The following CHST9 variants were observed in gnomAD, a reference collection of about 807,000 sequenced individuals.
CHST9 encodes the protein GalNAc-4-sulfotransferase 2.
In CHST9, 41 loss-of-function variants were observed where a neutral mutation model predicts 44.4. The ratio of observed to expected loss-of-function variants is 0.92; its 90% CI spans 0.72 to 1.20. The LOEUF (loss-of-function observed/expected upper bound fraction) is 1.20, where lower values mean the gene tolerates loss of function less well. Ranked by LOEUF, CHST9 falls within the 50% of genes most tolerant of loss-of-function variation. CHST9 has a pLI of 0.00. For synonymous variants in CHST9, 171 were observed against 178.4 expected, an observed-to-expected ratio of 0.96 and a Z score of 0.33; for missense variants, 504 against 516.5, an observed-to-expected ratio of 0.98 and a Z score of 0.23.
chr18:27,012,042 T>C (rs557035882), intron 4 of CHST9, among the ~76,000 whole-genome samples: 100 of 152,348 alleles, frequency 6.6e-4, no homozygotes, highest in Middle Eastern at 3.4e-3. Flanking sequence ...CCTTTCTACA[T>C]GATACTGGGG....
intron 3 of CHST9, among the ~76,000 whole-genome samples, chr18:27,036,551 T>C (rs2057392231): frequency 6.6e-6 from 1 of 152,202 alleles, no homozygotes; most frequent in Non-Finnish European, 1.5e-5. Context: ...TGCTGAAAAG[T>C]TGAAAAGCTT....
chr18:26,916,300 A>G lies in CHST9; in HGVS notation c.1291T>C (p.Leu431=), dbSNP rs749162270. 2.3e-5 allele frequency: 37 copies of G among 1,599,394 alleles called. No homozygotes were observed. The highest frequency in any genetic ancestry group is 3.0e-5 in the Non-Finnish European group (35 of 1,168,244). The change falls in exon 6 of 6, where the codon TTG becomes CTG. Residue 431 remains leucine (L), a synonymous_variant. Coordinates refer to ENST00000618847, the MANE Select transcript of CHST9 (RefSeq NM_031422.6). Reference sequence around the variant, plus strand: ...GTATAATTAAACATTAAATAGTCCAAGTAATAAAAGTCATAGATTAATTGT... The same window carrying G: ...GTATAATTAAACATTAAATAGTCCAGGTAATAAAAGTCATAGATTAATTGT... ...ERQLIYDFYY[L]DYLMFNYTTP...
chr18:27,130,312 AT>A (rs1183212400), intron 2 of CHST9, among the ~76,000 whole-genome samples: 1 of 152,200 alleles, frequency 6.6e-6, no homozygotes, highest in East Asian at 1.9e-4. Context: ...CCTAGTAATT[AT>A]TTTAATCGAT....
intron 4 of CHST9, among the ~76,000 whole-genome samples, chr18:26,964,840 G>A (rs1480407871): frequency 6.6e-6 from 1 of 152,214 alleles, no homozygotes; most frequent in African/African-American, 2.4e-5. Flanking sequence ...TCAGAGTACA[G>A]CAGAAGAAGA....
At chr18:27,023,190 A>G (rs1361311325) in intron 4 of CHST9, among the ~76,000 whole-genome samples, 2 of 152,194 alleles carry the variant, frequency 1.3e-5, no homozygotes, top group Admixed American at 6.5e-5. Context: ...ATGGAATAAT[A>G]TATCATTTTT....
intron 4 of CHST9, among the ~76,000 whole-genome samples, chr18:26,982,374 G>GC (rs570573246): frequency 5.4e-4 from 79 of 145,510 alleles, no homozygotes; most frequent in African/African-American, 2.0e-3. Context: ...CTTTGCAAGT[G>GC]CCCCTAAGAA....
chr18:27,017,988 T>C (rs190553665), intron 4 of CHST9, among the ~76,000 whole-genome samples: 10 of 152,310 alleles, frequency 6.6e-5, no homozygotes, highest in East Asian at 1.9e-4. Context: ...CCTCAATTTA[T>C]TGTGAAGTTC....
At chr18:26,985,511 A>C (rs1178687719) in intron 4 of CHST9, among the ~76,000 whole-genome samples, 2 of 152,230 alleles carry the variant, frequency 1.3e-5, no homozygotes, top group Admixed American at 1.3e-4. Context: ...CCCAGGTTGT[A>C]ACACAAGGAG....
intron 2 of CHST9, among the ~76,000 whole-genome samples, chr18:27,090,759 T>C (rs1216498826): frequency 3.9e-5 from 6 of 152,186 alleles, no homozygotes; most frequent in Non-Finnish European, 5.9e-5. Context: ...TGGTTGTAGA[T>C]GTGTGGTGTT....
At chr18:27,121,513 G>C (rs1219022202) in intron 2 of CHST9, among the ~76,000 whole-genome samples, 1 of 152,162 alleles carries the variant, frequency 6.6e-6, no homozygotes, top group Non-Finnish European at 1.5e-5. Flanking sequence ...CTGGTACATA[G>C]GTTAGCAGAA....
chr18:27,118,004 A>G (rs1466109431), intron 2 of CHST9, among the ~76,000 whole-genome samples: 1 of 152,176 alleles, frequency 6.6e-6, no homozygotes, highest in Non-Finnish European at 1.5e-5. Context: ...TTGTATTCCC[A>G]CCAATAACGA....
At chr18:27,015,126 CA>C (rs1360760555) in intron 4 of CHST9, among the ~76,000 whole-genome samples, 1 of 152,024 alleles carries the variant, frequency 6.6e-6, no homozygotes, top group East Asian at 1.9e-4. Flanking sequence ...TCCCAAAGCT[CA>C]AAAAAGAAGT....
In CHST9 at chr18:26,946,167, G is replaced by T. The variant is rs781402397; in HGVS notation, c.203-1801C>A. ...AGATTTCTTTTGTCAGTTTATATGC[G>T]GAGTGTTTAAAGAAGAGACAACATG... On this transcript the variant is annotated intron_variant, in intron 4 of 5. Coordinates refer to ENST00000618847, the MANE Select transcript of CHST9 (RefSeq NM_031422.6). Among the ~76,000 whole-genome samples, 4 of 152,076 alleles carry T rather than the reference G, an allele frequency of 2.6e-5. No homozygotes were observed. In the East Asian group the frequency reaches 7.7e-4, roughly 29 times the overall value.
At chr18:26,980,926 T>A (rs549607815) in intron 4 of CHST9, among the ~76,000 whole-genome samples, 90 of 152,308 alleles carry the variant, frequency 5.9e-4, no homozygotes, top group Non-Finnish European at 1.1e-3. Context: ...AATGAAGTGA[T>A]CTTAAAGAAT....
At position 26,955,530 on chromosome 18, in the gene CHST9, C is replaced by A. The variant is rs183991918; in HGVS notation, c.203-11164G>T. On this transcript the variant is annotated intron_variant, in intron 4 of 5. Coordinates refer to ENST00000618847, the MANE Select transcript of CHST9 (RefSeq NM_031422.6). ...TTGTGCAGTGTGTGTAGCAAGGAAG[C>A]CTTGGGTAGGCTGGACAGCACAAGT... Among the ~76,000 whole-genome samples the A allele has an allele frequency of 1.4e-3, 207 of 152,162 alleles. 1 individual carries two copies. The highest frequency in any genetic ancestry group is 1.5e-3 in the Non-Finnish European group (103 of 67,998).
intron 5 of CHST9, among the ~76,000 whole-genome samples, chr18:26,941,305 TTA>T (rs1397351589): frequency 6.6e-6 from 1 of 152,164 alleles, no homozygotes; most frequent in East Asian, 1.9e-4. Context: ...TTCCTCTTTG[TTA>T]TCTAGCTGCA....
At chr18:27,132,359 T>C (rs2058479185) in intron 2 of CHST9, among the ~76,000 whole-genome samples, 1 of 152,162 alleles carries the variant, frequency 6.6e-6, no homozygotes, top group African/African-American at 2.4e-5. Context: ...GATAACACAT[T>C]TCTGACCTCA....
intron 1 of CHST9, among the ~76,000 whole-genome samples, chr18:27,153,568 A>ATGTG (rs35308421): frequency 0.015 from 1,845 of 120,842 alleles, 48 homozygotes; most frequent in African/African-American, 0.055. Flanking sequence ...GTGTGTGTGT[A>ATGTG]TGTGTGTGTG....
intron 4 of CHST9, among the ~76,000 whole-genome samples, chr18:26,952,721 T>C (rs535402707): frequency 1.7e-4 from 26 of 152,336 alleles, no homozygotes; most frequent in Non-Finnish European, 2.5e-4. Flanking sequence ...CAGTATAGTA[T>C]ATTCATTCCA....
Sources: allele counts gnomAD v4.1 joint callset (sites outside exome capture counted in the v4.1 genomes callset), GRCh38; gene constraint gnomAD v4.1.1; transcripts MANE v1.5; gene names NCBI Gene and HGNC (gene_info 2026-07-23, HGNC 2026-07-21).